HRH1: variants seen among roughly 807,000 people sequenced by gnomAD.
HRH1 encodes histamine H1 receptor.
A neutral mutation model predicts 10.3 loss-of-function variants in HRH1; 6 were observed. The ratio of observed to expected loss-of-function variants is 0.58; its 90% CI spans 0.32 to 1.15. The LOEUF is 1.15. HRH1 is among the 50% of genes most tolerant of loss of function. HRH1 has a pLI of 0.05. For missense variants in HRH1, 514 were observed against 615.3 expected (o/e 0.84, Z 1.74); for synonymous variants, 242 against 236.7 (o/e 1.02, Z -0.21).
At chr3:11,183,722 C>CTT (rs1251006297) in intron 1 of HRH1, among the ~76,000 whole-genome samples, 2 of 143,090 alleles carry the variant, frequency 1.4e-5, no homozygotes, top group African/African-American at 2.5e-5. Flanking sequence ...CTGGAAATTT[C>CTT]TTTTTTTTTT....
chr3:11,234,673 T>TAGG (rs1939129739), intron 1 of HRH1: 3 of 1,199,526 alleles, frequency 2.5e-6, no homozygotes, highest in South Asian at 2.4e-5. Context: ...CTGCCGGCAG[T>TAGG]AGGACATGGC....
At chr3:11,226,885 T>TA (rs11312109) in intron 1 of HRH1, among the ~76,000 whole-genome samples, 126 of 133,370 alleles carry the variant, frequency 9.4e-4, no homozygotes, top group East Asian at 3.5e-3. Context: ...AGACTCAGTC[T>TA]AAAAAAAAAA....
At chr3:11,255,434 C>T (rs1939759123) in intron 1 of HRH1, among the ~76,000 whole-genome samples, 1 of 152,078 alleles carries the variant, frequency 6.6e-6, no homozygotes, top group Non-Finnish European at 1.5e-5. Context: ...TCCTTCCGAG[C>T]AAAACAGTAA....
chr3:11,196,266 G>A (rs1039013713), intron 1 of HRH1, among the ~76,000 whole-genome samples: 5 of 152,160 alleles, frequency 3.3e-5, no homozygotes, highest in African/African-American at 4.8e-5. Context: ...CTCCTCAGCC[G>A]GGGCTTTGCT....
chr3:11,238,056 G>GTTTGTTTA (rs1167618224), intron 1 of HRH1, among the ~76,000 whole-genome samples: 2 of 151,904 alleles, frequency 1.3e-5, no homozygotes, highest in African/African-American at 4.8e-5. Flanking sequence ...TTGTTTGTTT[G>GTTTGTTTA]TTTGTTTGTT....
chr3:11,206,975 T>G (rs1938154835), intron 1 of HRH1, among the ~76,000 whole-genome samples: 1 of 150,052 alleles, frequency 6.7e-6, no homozygotes, highest in Non-Finnish European at 1.5e-5. Context: ...CGGGGTGGAG[T>G]CAAGGAAGGA....
At chr3:11,180,964 C>T (rs1201438707) in intron 1 of HRH1, among the ~76,000 whole-genome samples, 1 of 147,860 alleles carries the variant, frequency 6.8e-6, no homozygotes, top group African/African-American at 2.6e-5. Context: ...CACACACACA[C>T]ACACACACAC....
intron 1 of HRH1, among the ~76,000 whole-genome samples, chr3:11,242,431 A>G (rs1939371274): frequency 7.2e-6 from 1 of 138,906 alleles, no homozygotes; most frequent in Non-Finnish European, 1.5e-5. Flanking sequence ...GCAGTAGCCA[A>G]GATCATGCCA....
At chr3:11,255,813 T>C (rs1939767816) in intron 1 of HRH1, among the ~76,000 whole-genome samples, 1 of 152,238 alleles carries the variant, frequency 6.6e-6, no homozygotes, top group Non-Finnish European at 1.5e-5. Flanking sequence ...TTTATCTCAG[T>C]GAGCAGAGGT....
chr3:11,173,929 G>A (rs143472350), intron 1 of HRH1, among the ~76,000 whole-genome samples: 3 of 152,240 alleles, frequency 2.0e-5, no homozygotes, highest in East Asian at 1.9e-4. Flanking sequence ...TCCTCTTCCC[G>A]CAAGACTGCC....
At chr3:11,191,851 C>A (rs347630) in intron 1 of HRH1, among the ~76,000 whole-genome samples, 52,255 of 152,066 alleles carry the variant, frequency 0.34, 9,301 homozygotes, top group South Asian at 0.48. Context: ...GCTATAGCAA[C>A]CCTAGTCCCT....
rs1247699407 is a variant in HRH1 at position 11,260,526 on chromosome 3, A to G, written c.*25A>G. The G allele has an allele frequency of 1.9e-6, 3 of 1,545,486 alleles. No homozygotes were observed. The highest frequency in any genetic ancestry group is 2.6e-6 in the Non-Finnish European group (3 of 1,145,182). On this transcript the variant is annotated 3_prime_UTR_variant, in exon 2 of 2. Transcript: ENST00000431010. Reference sequence around the variant, plus strand: ...AGGGAGGCTCTGAGGGGATGCAACAAAATGATCCTTATGATGTCCAACAAG... The same window carrying G: ...AGGGAGGCTCTGAGGGGATGCAACAGAATGATCCTTATGATGTCCAACAAG...
Position 11,259,768 on chromosome 3 carries a change from C to A in HRH1, c.731C>A (p.Pro244His). The change falls in exon 2 of 2, where the codon CCC (proline) becomes CAC (histidine). Residue 244 changes from proline to histidine, a missense_variant. Pro to His is a moderately conservative substitution (Grantham distance 77). Coordinates refer to ENST00000431010, the MANE Select transcript of HRH1 (RefSeq NM_001098212.2). This position sits in a 1 kb window ranked among gnomAD's most constrained non-coding sequence, Gnocchi z 4.6. ...FSEIKLRPEN[P>H]KGDAKKPGKE... ...GAAATTAAGCTGAGGCCAGAGAACC[C>A]CAAGGGGGATGCCAAGAAACCAGGG... 1 of 1,613,958 alleles carries A rather than the reference C, an allele frequency of 6.2e-7. No individual in the cohort carries two copies. The highest frequency in any genetic ancestry group is 8.5e-7 in the Non-Finnish European group (1 of 1,180,006).
At position 11,184,400 on chromosome 3, in the gene HRH1, G is replaced by A. The variant is rs970294195; in HGVS notation, c.-36+29846G>A. 2.0e-5 allele frequency among the ~76,000 whole-genome samples: 3 copies of A among 151,998 alleles called. No homozygotes were observed. The East Asian group carries it at 5.8e-4, about 29-fold the overall frequency. The stretch of plus-strand genomic sequence containing the variant: ...GCAGAAGCGGAATCTGAACGCAGGC[G>A]GTCCATCTCCAAGCTCTTCACCACT... On this transcript the variant is annotated intron_variant, in intron 1 of 1. Coordinates refer to ENST00000431010, the MANE Select transcript of HRH1 (RefSeq NM_001098212.2).
At chr3:11,245,142 C>T (rs1939445230) in intron 1 of HRH1, among the ~76,000 whole-genome samples, 1 of 152,124 alleles carries the variant, frequency 6.6e-6, no homozygotes, top group Non-Finnish European at 1.5e-5. Flanking sequence ...CACTTGAGGC[C>T]TGGAGTTTCA....
chr3:11,221,540 G>A (rs958063216), intron 1 of HRH1, among the ~76,000 whole-genome samples: 1 of 151,094 alleles, frequency 6.6e-6, no homozygotes, highest in Non-Finnish European at 1.5e-5. Flanking sequence ...GGGCAACGGA[G>A]CGAGACTCCA....
At chr3:11,191,917 C>T (rs928448585) in intron 1 of HRH1, among the ~76,000 whole-genome samples, 2 of 152,310 alleles carry the variant, frequency 1.3e-5, no homozygotes, top group Non-Finnish European at 2.9e-5. Flanking sequence ...GCTGGCATGG[C>T]CCCTGGCCTT....
At chr3:11,186,942 A>T (rs893851492) in intron 1 of HRH1, among the ~76,000 whole-genome samples, 1 of 152,236 alleles carries the variant, frequency 6.6e-6, no homozygotes, top group East Asian at 1.9e-4. Context: ...CACCTGGAAA[A>T]TATTAAGTTG....
chr3:11,144,910 CCTAT>C (rs1266994147), intron 1 of HRH1, among the ~76,000 whole-genome samples: 2 of 152,044 alleles, frequency 1.3e-5, no homozygotes, highest in Non-Finnish European at 2.9e-5. Context: ...TGTAGCTCTT[CCTAT>C]CTTTTTCTCA....
Sources: allele counts gnomAD v4.1 joint callset (sites outside exome capture counted in the v4.1 genomes callset), GRCh38; gene constraint gnomAD v4.1.1; non-coding constraint Gnocchi (gnomAD v3.1); transcripts MANE v1.5; gene names NCBI Gene and HGNC (gene_info 2026-07-23, HGNC 2026-07-21).